Variants in PCCA observed in about 807,000 individuals in gnomAD.
PCCA encodes the protein propionyl-CoA carboxylase alpha chain, mitochondrial.
In PCCA, 74 loss-of-function variants were observed where a neutral mutation model predicts 101.3. That is an observed-to-expected ratio of 0.73 (90% CI 0.61 to 0.89). The LOEUF (loss-of-function observed/expected upper bound fraction) is 0.89. Ranked by LOEUF, PCCA falls within the 40% of genes least tolerant of loss-of-function variation. The pLI is 0.00. For synonymous variants in PCCA, 294 were observed against 313.6 expected (o/e 0.94, Z 0.66); for missense variants, 891 against 907.0 (o/e 0.98, Z 0.23).
chr13:100,118,009 G>T (rs540070779), intron 4 of PCCA, among the ~76,000 whole-genome samples: 2 of 151,826 alleles, frequency 1.3e-5, no homozygotes, highest in African/African-American at 4.8e-5. Context: ...CCAGCTACTT[G>T]GGAGGCTGAG....
At chr13:100,226,466 G>C (rs2060148376) in intron 7 of PCCA, among the ~76,000 whole-genome samples, 1 of 152,034 alleles carries the variant, frequency 6.6e-6, no homozygotes, top group Non-Finnish European at 1.5e-5. Context: ...ATGGTGGTCG[G>C]CGTTGACACT....
chr13:100,396,981 A>G (rs1281747388), intron 19 of PCCA, among the ~76,000 whole-genome samples: 3 of 151,978 alleles, frequency 2.0e-5, no homozygotes, highest in Non-Finnish European at 4.4e-5. Context: ...GCGCACCTAC[A>G]CTGTTAGGGT....
chr13:100,235,283 A>C (rs2060724657), intron 7 of PCCA, among the ~76,000 whole-genome samples: 1 of 151,546 alleles, frequency 6.6e-6, no homozygotes, highest in African/African-American at 2.4e-5. Flanking sequence ...TACCTGAAAA[A>C]AAAAAAAAAG....
chr13:100,090,839 G>A (rs1398804505), intron 1 of PCCA, among the ~76,000 whole-genome samples: 1 of 152,188 alleles, frequency 6.6e-6, no homozygotes, highest in East Asian at 1.9e-4. Context: ...TGACTTGCTC[G>A]AAGCTATAGT....
intron 7 of PCCA, among the ~76,000 whole-genome samples, chr13:100,211,327 T>C (rs1464576889): frequency 6.6e-6 from 1 of 152,216 alleles, no homozygotes; most frequent in African/African-American, 2.4e-5. Flanking sequence ...CTCACTTTCA[T>C]TTCTGTATCT....
intron 21 of PCCA, among the ~76,000 whole-genome samples, chr13:100,493,505 A>G (rs974286680): frequency 2.6e-5 from 4 of 152,272 alleles, no homozygotes; most frequent in Middle Eastern, 3.4e-3. Flanking sequence ...ACCCACGTGG[A>G]TGCAGCTCGG....
intron 20 of PCCA, among the ~76,000 whole-genome samples, chr13:100,429,920 A>T (rs937734064): frequency 6.6e-6 from 1 of 151,974 alleles, no homozygotes; most frequent in African/African-American, 2.4e-5. Flanking sequence ...AATATTTATT[A>T]TATCTATATA....
intron 19 of PCCA, among the ~76,000 whole-genome samples, chr13:100,408,748 C>T (rs1284989400): frequency 6.6e-6 from 1 of 152,182 alleles, no homozygotes; most frequent in Non-Finnish European, 1.5e-5. Context: ...CCTGATTTCA[C>T]AACCAACACC....
intron 6 of PCCA, among the ~76,000 whole-genome samples, chr13:100,165,920 T>A (rs1172175830): frequency 6.6e-6 from 1 of 152,128 alleles, no homozygotes; most frequent in Non-Finnish European, 1.5e-5. Flanking sequence ...AATAAAAAAA[T>A]AAACCAGAGT....
In PCCA at chr13:100,503,669, T is replaced by A. The variant is rs1044078120; in HGVS notation, c.1900-11758T>A. Among the ~76,000 whole-genome samples the A allele has an allele frequency of 1.3e-5, 2 of 152,106 alleles. 1 individual carries two copies. Among genetic ancestry groups the A allele is most frequent in the South Asian group, 4.1e-4 (2 of 4,822 alleles). On this transcript the variant is annotated intron_variant, in intron 21 of 23. Transcript: ENST00000376285. Reference sequence around the variant, plus strand: ...CTGTAATCCCAACACTTTGGGAGGCTGAGGGGCATGGATCGCTTGAGCCTA... The same window carrying A: ...CTGTAATCCCAACACTTTGGGAGGCAGAGGGGCATGGATCGCTTGAGCCTA...
chr13:100,409,312 G>A (rs929770614), intron 19 of PCCA, among the ~76,000 whole-genome samples: 4 of 152,094 alleles, frequency 2.6e-5, no homozygotes, highest in East Asian at 1.9e-4. Flanking sequence ...CACATTGGGC[G>A]CCAAAAATGG....
At chr13:100,446,001 A>G (rs1239330076) in intron 20 of PCCA, among the ~76,000 whole-genome samples, 1 of 152,196 alleles carries the variant, frequency 6.6e-6, no homozygotes, top group Non-Finnish European at 1.5e-5. Context: ...ACTGTTTTCC[A>G]TAATGGCTGA....
intron 21 of PCCA, among the ~76,000 whole-genome samples, chr13:100,509,826 TTTTTGTTTTGTTTTG>T (rs60985069): frequency 6.7e-6 from 1 of 149,454 alleles, no homozygotes; most frequent in Non-Finnish European, 1.5e-5. Flanking sequence ...TTTTGTGTTT[TTTTTGTTTTGTTTTG>T]TTTTGTTTTG....
At chr13:100,133,316 T>G (rs1014784992) in intron 4 of PCCA, among the ~76,000 whole-genome samples, 11 of 152,234 alleles carry the variant, frequency 7.2e-5, no homozygotes, top group African/African-American at 1.4e-4. Context: ...GGATGTATGA[T>G]TGGCAAATAG....
At chr13:100,478,479 G>A (rs923899584) in intron 21 of PCCA, among the ~76,000 whole-genome samples, 1 of 152,172 alleles carries the variant, frequency 6.6e-6, no homozygotes, top group Admixed American at 6.5e-5. Context: ...TGGGTACCTG[G>A]GGAGGTCCCC....
chr13:100,410,906 G>A (rs2078011596), intron 19 of PCCA, among the ~76,000 whole-genome samples: 1 of 152,068 alleles, frequency 6.6e-6, no homozygotes, highest in South Asian at 2.1e-4. Context: ...TAAAGTAGAA[G>A]ATTTATGTGT....
chr13:100,296,810 G>C (rs1239311214), intron 12 of PCCA, among the ~76,000 whole-genome samples: 1 of 151,944 alleles, frequency 6.6e-6, no homozygotes, highest in African/African-American at 2.4e-5. Flanking sequence ...ATCAGGATTT[G>C]GACATTAACA....
intron 4 of PCCA, among the ~76,000 whole-genome samples, chr13:100,141,842 G>C (rs2051910168): frequency 6.6e-6 from 1 of 152,102 alleles, no homozygotes; most frequent in Non-Finnish European, 1.5e-5. Flanking sequence ...ATAAATTTTT[G>C]AGTGGATCAG....
At position 100,112,152 on chromosome 13, in the gene PCCA, C is replaced by T; in HGVS notation, c.300+91C>T. 7.0e-6 allele frequency: 6 copies of T among 851,814 alleles called. No homozygotes were observed. The South Asian group carries it at 8.6e-5, about 12-fold the overall frequency. 52.8% of individuals were successfully genotyped at this position (851,814 alleles called of 1,614,324 possible). Reference sequence around the variant, plus strand: ...TACAGGCTTTTTTTCTTGGCCTGCACAAGATACATTCAAGTTTAAAAACTG... The same window carrying T: ...TACAGGCTTTTTTTCTTGGCCTGCATAAGATACATTCAAGTTTAAAAACTG... On this transcript the variant is annotated intron_variant, in intron 4 of 23. Transcript: ENST00000376285.
Sources: allele counts gnomAD v4.1 joint callset (sites outside exome capture counted in the v4.1 genomes callset), GRCh38; gene constraint gnomAD v4.1.1; transcripts MANE v1.5; gene names NCBI Gene and HGNC (gene_info 2026-07-23, HGNC 2026-07-21).